CPQ: variants seen among roughly 807,000 people sequenced by gnomAD.
CPQ encodes carboxypeptidase Q.
In CPQ, 37 loss-of-function variants were observed where a neutral mutation model predicts 45.7. The ratio of observed to expected loss-of-function variants is 0.81; its 90% CI spans 0.62 to 1.07. The LOEUF (loss-of-function observed/expected upper bound fraction) is 1.07, where lower values mean the gene tolerates loss of function less well. CPQ is among the 50% of genes least tolerant of loss of function. The pLI is 0.00. For missense variants in CPQ, 537 were observed against 572.9 expected (o/e 0.94, Z 0.64); for synonymous variants, 186 against 205.8 (o/e 0.90, Z 0.82).
At chr8:96,726,778 G>A (rs1412479045) in intron 1 of CPQ, among the ~76,000 whole-genome samples, 1 of 152,096 alleles carries the variant, frequency 6.6e-6, no homozygotes, top group Non-Finnish European at 1.5e-5. Flanking sequence ...TGGGACTGGT[G>A]GCTTTTTGAG....
At chr8:96,977,696 C>T (rs1813813006) in intron 5 of CPQ, among the ~76,000 whole-genome samples, 1 of 152,146 alleles carries the variant, frequency 6.6e-6, no homozygotes, top group South Asian at 2.1e-4. Context: ...AATTGCAGAC[C>T]ATCATTCTAA....
chr8:96,756,572 GAGAATTTTCTAA>G (rs2130788716), intron 1 of CPQ, among the ~76,000 whole-genome samples: 1 of 152,160 alleles, frequency 6.6e-6, no homozygotes, highest in Admixed American at 6.6e-5. Context: ...CCCCTTTAAG[GAGAATTTTCTAA>G]AGGTCAAGAT....
intron 4 of CPQ, among the ~76,000 whole-genome samples, chr8:96,955,292 A>G (rs1468059590): frequency 1.3e-5 from 2 of 152,136 alleles, no homozygotes; most frequent in African/African-American, 4.8e-5. Context: ...TCACCATTCT[A>G]ACTGGTGTGA....
intron 5 of CPQ, among the ~76,000 whole-genome samples, chr8:96,996,955 T>C (rs1207048253): frequency 6.6e-6 from 1 of 152,010 alleles, no homozygotes; most frequent in African/African-American, 2.4e-5. Context: ...GTGGCCTTGT[T>C]TTCGAAAAGT....
intron 1 of CPQ, among the ~76,000 whole-genome samples, chr8:96,669,358 A>C (rs1389006334): frequency 1.3e-5 from 2 of 152,230 alleles, no homozygotes; most frequent in African/African-American, 2.4e-5. Flanking sequence ...ACTTTCACTC[A>C]GAATGTATGA....
At chr8:97,029,057 C>A (rs1348746576) in intron 5 of CPQ, among the ~76,000 whole-genome samples, 1 of 152,178 alleles carries the variant, frequency 6.6e-6, no homozygotes, top group Admixed American at 6.5e-5. Flanking sequence ...TTGGGGTCAT[C>A]CTAACTGCAT....
chr8:96,812,912 C>T (rs1361231691), intron 2 of CPQ, among the ~76,000 whole-genome samples: 6 of 151,540 alleles, frequency 4.0e-5, no homozygotes, highest in African/African-American at 1.2e-4. Context: ...AAAAAAAAGC[C>T]AAAATGTTTG....
At chr8:96,905,503 C>T (rs2130900121) in intron 4 of CPQ, among the ~76,000 whole-genome samples, 1 of 152,274 alleles carries the variant, frequency 6.6e-6, no homozygotes, top group South Asian at 2.1e-4. Flanking sequence ...TATAGCATTA[C>T]AGCTGGTGCC....
intron 1 of CPQ, among the ~76,000 whole-genome samples, chr8:96,650,225 CAA>C: frequency 6.6e-6 from 1 of 152,040 alleles, no homozygotes; most frequent in South Asian, 2.1e-4. Flanking sequence ...TTGAACTAAG[CAA>C]AGAGTAACAG....
At chr8:96,882,763 T>C (rs1812245554) in intron 4 of CPQ, among the ~76,000 whole-genome samples, 1 of 152,232 alleles carries the variant, frequency 6.6e-6, no homozygotes, top group South Asian at 2.1e-4. Context: ...CTCATTCTTT[T>C]ATTTTTTAAA....
In CPQ at chr8:96,687,241, C is replaced by A. The variant is rs190927975; in HGVS notation, c.-35+41839C>A. Among the ~76,000 whole-genome samples, 270 of 150,316 alleles carry A rather than the reference C, an allele frequency of 1.8e-3. 2 individuals are homozygous for A. Among genetic ancestry groups the A allele is most frequent in the Non-Finnish European group, 6.1e-4 (41 of 67,722 alleles). On this transcript the variant is annotated intron_variant, in intron 1 of 7. Transcript: ENST00000220763. ...TCTTTTTCTTTTTTTGAGACAGAGT[C>A]TTGCTTTGTCACCCAGGCTGGAGTG...
At chr8:96,735,530 C>T (rs928971809) in intron 1 of CPQ, among the ~76,000 whole-genome samples, 2 of 152,214 alleles carry the variant, frequency 1.3e-5, no homozygotes, top group African/African-American at 2.4e-5. Flanking sequence ...GTAATTTCTA[C>T]ACTAATAGGA....
At chr8:96,742,765 G>T (rs983321411) in intron 1 of CPQ, among the ~76,000 whole-genome samples, 1 of 152,094 alleles carries the variant, frequency 6.6e-6, no homozygotes, top group Non-Finnish European at 1.5e-5. Context: ...GAAATTCTGG[G>T]TTGAAAATTC....
chr8:96,746,574 C>A (rs1376964912), intron 1 of CPQ, among the ~76,000 whole-genome samples: 2 of 152,186 alleles, frequency 1.3e-5, no homozygotes, highest in Non-Finnish European at 2.9e-5. Flanking sequence ...GTAACCATTT[C>A]GCCTTCTTTT....
chr8:96,790,149 T>C lies in CPQ; in HGVS notation c.433+4819T>C, dbSNP rs561386913. On this transcript the variant is annotated intron_variant, in intron 2 of 7. Coordinates refer to ENST00000220763, the MANE Select transcript of CPQ (RefSeq NM_016134.4). ...GTAGGGAATTCTCCGTTCTCTGCACTAAATGAAGTCACTAACATCAATAAG... is the reference window on the plus strand; with the variant it reads ...GTAGGGAATTCTCCGTTCTCTGCACCAAATGAAGTCACTAACATCAATAAG... Among the ~76,000 whole-genome samples the C allele has an allele frequency of 3.9e-5, 6 of 152,310 alleles. No individual in the cohort carries two copies. The South Asian group carries it at 1.2e-3, about 32-fold the overall frequency.
intron 7 of CPQ, among the ~76,000 whole-genome samples, chr8:97,092,046 C>T (rs112035737): frequency 1.3e-5 from 2 of 152,126 alleles, no homozygotes; most frequent in African/African-American, 2.4e-5. Flanking sequence ...TATGTACATA[C>T]GTACATATGC....
chr8:96,742,296 A>C (rs532208258), intron 1 of CPQ, among the ~76,000 whole-genome samples: 323 of 151,966 alleles, frequency 2.1e-3, no homozygotes, highest in South Asian at 8.3e-3. Flanking sequence ...TAGGATTGCA[A>C]CCCCTGCCTT....
chr8:96,809,753 A>G (rs1419787381), intron 2 of CPQ, among the ~76,000 whole-genome samples: 1 of 152,124 alleles, frequency 6.6e-6, no homozygotes, highest in Non-Finnish European at 1.5e-5. Flanking sequence ...ATTATACTTC[A>G]AAAAAATGGA....
At chr8:96,947,085 A>T (rs879440221) in intron 4 of CPQ, among the ~76,000 whole-genome samples, 9 of 152,208 alleles carry the variant, frequency 5.9e-5, no homozygotes, top group Non-Finnish European at 1.2e-4. Flanking sequence ...TGGCCAGCAC[A>T]CAGTGGTTTG....
Sources: allele counts gnomAD v4.1 joint callset (sites outside exome capture counted in the v4.1 genomes callset), GRCh38; gene constraint gnomAD v4.1.1; transcripts MANE v1.5; gene names NCBI Gene and HGNC (gene_info 2026-07-23, HGNC 2026-07-21).